The following CSMD1 variants were observed in gnomAD, a reference collection of about 807,000 sequenced individuals.
CSMD1 encodes the protein CUB and Sushi multiple domains 1, also known as CUB and sushi domain-containing protein 1.
CSMD1 carries 213 observed loss-of-function variants against 417.5 expected under a neutral mutation model. The ratio of observed to expected loss-of-function variants is 0.51; its 90% CI spans 0.46 to 0.57. The LOEUF is 0.57. Among genes scored for constraint, CSMD1 ranks in the 20% least tolerant of loss-of-function variants. The probability of loss-of-function intolerance (pLI) is 0.00; values close to 1 mark genes in which losing one functional copy is unlikely to be tolerated. For synonymous variants in CSMD1, 2,862 were observed against 1,736.8 expected, an observed-to-expected ratio of 1.65 and a Z score of -16.11; for missense variants, 6,923 against 4,529.7, an observed-to-expected ratio of 1.53 and a Z score of -15.17.
At chr8:3,784,063 G>C (rs1799319344) in intron 5 of CSMD1, among the ~76,000 whole-genome samples, 1 of 152,202 alleles carries the variant, frequency 6.6e-6, no homozygotes, top group South Asian at 2.1e-4. Flanking sequence ...GATTGAAATA[G>C]TAAATTCATT....
At chr8:3,893,129 A>T (rs1247313013) in intron 5 of CSMD1, among the ~76,000 whole-genome samples, 1 of 151,736 alleles carries the variant, frequency 6.6e-6, no homozygotes, top group Non-Finnish European at 1.5e-5. Context: ...AATCATCCTC[A>T]CACAAAAAGG....
chr8:3,434,926 G>A (rs1484538579), intron 12 of CSMD1, among the ~76,000 whole-genome samples: 1 of 152,198 alleles, frequency 6.6e-6, no homozygotes, highest in Admixed American at 6.5e-5. Context: ...AACTATCACG[G>A]GCTAGTCAGC....
intron 3 of CSMD1, among the ~76,000 whole-genome samples, chr8:4,065,825 T>C (rs1799216539): frequency 6.6e-6 from 1 of 152,198 alleles, no homozygotes; most frequent in Admixed American, 6.5e-5. Flanking sequence ...AGTTTTCTTT[T>C]TTTGGAATAT....
At chr8:3,689,474 A>T (rs1800120661) in intron 7 of CSMD1, among the ~76,000 whole-genome samples, 1 of 152,230 alleles carries the variant, frequency 6.6e-6, no homozygotes, top group Non-Finnish European at 1.5e-5. Context: ...AGATTCTTGA[A>T]GACAGAATAG....
At chr8:4,834,665 G>GA (rs201587933) in intron 1 of CSMD1, among the ~76,000 whole-genome samples, 1,606 of 149,832 alleles carry the variant, frequency 0.011, 21 homozygotes, top group African/African-American at 0.036. Flanking sequence ...GAATTAAAAG[G>GA]AAAAAAAAAG....
chr8:3,480,278 C>T (rs1817664451), intron 11 of CSMD1, among the ~76,000 whole-genome samples: 1 of 152,136 alleles, frequency 6.6e-6, no homozygotes, highest in Non-Finnish European at 1.5e-5. Context: ...AGAAGAATTG[C>T]TTGAACCCAG....
chr8:4,782,276 A>G (rs764200030), intron 1 of CSMD1, among the ~76,000 whole-genome samples: 1 of 152,212 alleles, frequency 6.6e-6, no homozygotes, highest in African/African-American at 2.4e-5. Context: ...CAAAAGTAAA[A>G]GATAAACCTT....
intron 1 of CSMD1, among the ~76,000 whole-genome samples, chr8:4,713,645 G>A (rs1390136120): frequency 6.6e-6 from 1 of 152,072 alleles, no homozygotes; most frequent in Non-Finnish European, 1.5e-5. Context: ...TAAAAAAGTG[G>A]AACGTCTCTT....
intron 31 of CSMD1, among the ~76,000 whole-genome samples, chr8:3,203,616 A>G (rs1185132953): frequency 6.6e-6 from 1 of 152,196 alleles, no homozygotes; most frequent in Non-Finnish European, 1.5e-5. Context: ...CTCCGTGGAT[A>G]AAAAACAAAC....
intron 1 of CSMD1, among the ~76,000 whole-genome samples, chr8:4,649,268 C>T (rs1454840876): frequency 2.6e-5 from 4 of 152,192 alleles, no homozygotes; most frequent in Non-Finnish European, 5.9e-5. Context: ...AGCAAGGGAG[C>T]TGGAGTGACT....
rs113591384 is a variant in CSMD1, at chr8:3,276,583, C to A, written c.4153+7561G>T. ...TCGATTACCTCCCACTGGGTCCCTC[C>A]CATGATACGTGGGAATTGTGGGAGC... On this transcript the variant is annotated intron_variant, in intron 26 of 69. Transcript: ENST00000635120. 1.5e-3 allele frequency among the ~76,000 whole-genome samples: 230 copies of A among 152,202 alleles called. 1 individual carries two copies. Among genetic ancestry groups the A allele is most frequent in the African/African-American group, 4.9e-3 (203 of 41,550 alleles).
In CSMD1 at chr8:3,834,513, G is replaced by A. The variant is rs549154650; in HGVS notation, c.819-80471C>T. Among the ~76,000 whole-genome samples, 89 of 152,260 alleles carry A rather than the reference G, an allele frequency of 5.8e-4. 1 individual carries two copies. In the South Asian group the frequency reaches 0.018, roughly 31 times the overall value. On this transcript the variant is annotated intron_variant, in intron 5 of 69. Coordinates refer to ENST00000635120, the MANE Select transcript of CSMD1 (RefSeq NM_033225.6). ...ACCTCGGTACTTAAGGGGAGAAACG[G>A]GGTAGAAGCTGCACTGTGCGTCTCT...
At chr8:4,806,442 C>G (rs1463003494) in intron 1 of CSMD1, among the ~76,000 whole-genome samples, 1 of 144,146 alleles carries the variant, frequency 6.9e-6, no homozygotes, top group Non-Finnish European at 1.5e-5. Context: ...TTAGTGCCAT[C>G]AACACCCTGC....
chr8:4,552,110 A>G (rs2130568552), intron 2 of CSMD1, among the ~76,000 whole-genome samples: 2 of 152,348 alleles, frequency 1.3e-5, no homozygotes, highest in Middle Eastern at 6.8e-3. Context: ...CACTGACATT[A>G]ATGGGGTGTC....
At chr8:3,631,347 CTG>C (rs369166175) in intron 7 of CSMD1, among the ~76,000 whole-genome samples, 90 of 152,320 alleles carry the variant, frequency 5.9e-4, no homozygotes, top group African/African-American at 2.0e-3. Flanking sequence ...TGCACAGAGA[CTG>C]TCACACAGTA....
chr8:4,855,312 G>A (rs1801733870), intron 1 of CSMD1, among the ~76,000 whole-genome samples: 2 of 151,960 alleles, frequency 1.3e-5, no homozygotes, highest in African/African-American at 2.4e-5. Flanking sequence ...CAAAGATGGG[G>A]AAAAAACAGA....
chr8:4,662,397 G>T (rs953549032), intron 1 of CSMD1, among the ~76,000 whole-genome samples: 4 of 152,152 alleles, frequency 2.6e-5, no homozygotes, highest in African/African-American at 4.8e-5. Context: ...AAAGGCATTA[G>T]ATTCTACAAA....
intron 5 of CSMD1, among the ~76,000 whole-genome samples, chr8:3,863,748 T>C (rs1051315144): frequency 1.3e-5 from 2 of 152,202 alleles, no homozygotes; most frequent in African/African-American, 4.8e-5. Context: ...TTTCAAATGT[T>C]AAACTACCCA....
intron 7 of CSMD1, among the ~76,000 whole-genome samples, chr8:3,647,167 C>T (rs1350601992): frequency 3.9e-5 from 6 of 152,066 alleles, no homozygotes; most frequent in African/African-American, 1.4e-4. Flanking sequence ...TCCTCCGGTG[C>T]AACTCAAGTT....
Sources: gnomAD v4.1 joint callset for allele counts (sites outside exome capture counted in the v4.1 genomes callset) on GRCh38, gnomAD v4.1.1 for gene constraint, MANE v1.5 for transcripts, NCBI Gene and HGNC (gene_info 2026-07-23, HGNC 2026-07-21) for gene names.